Variants in ARHGAP23 observed in about 807,000 individuals in gnomAD.
ARHGAP23 encodes the protein rho GTPase-activating protein 23.
A neutral mutation model predicts 136.3 loss-of-function variants in ARHGAP23; 34 were observed. The observed-to-expected ratio is 0.25, with a 90% CI of 0.19 to 0.33. The LOEUF is 0.33. Among genes scored for constraint, ARHGAP23 ranks in the 10% least tolerant of loss-of-function variants. ARHGAP23 has a pLI of 1.00. For synonymous variants in ARHGAP23, 832 were observed against 920.5 expected (o/e 0.90, Z 1.74); for missense variants, 1,808 against 2,139.0 (o/e 0.85, Z 3.05).
At chr17:38,454,293 A>C (rs2039271448) in intron 1 of ARHGAP23, among the ~76,000 whole-genome samples, 1 of 151,918 alleles carries the variant, frequency 6.6e-6, no homozygotes, top group South Asian at 2.1e-4. Flanking sequence ...GGCACTTGAG[A>C]GATGGGGCTG....
chr17:38,467,052 T>C lies in ARHGAP23; in HGVS notation c.1369T>C (p.Ser457Pro). 1 of 1,550,922 alleles carries C rather than the reference T, an allele frequency of 6.4e-7. No homozygotes were observed. Among genetic ancestry groups the C allele is most frequent in the Non-Finnish European group, 8.7e-7 (1 of 1,146,954 alleles). ...CTTCAACCTGGCCCAGTCCCCTGCG[T>C]CATTCCCACCAGAGGCCTCCGAGCC... is the stretch of plus-strand genomic sequence containing the variant. ...PTFNLAQSPASFPPEASEPPR... is the reference protein window; with the variant it reads ...PTFNLAQSPAPFPPEASEPPR... The change falls in exon 7 of 24, where the codon TCA becomes CCA. Residue 457 changes from serine (S) to proline (P), a missense_variant. By Grantham distance (74) the Ser-to-Pro change is moderately conservative. Around this residue, in one of 7 missense-constraint regions of ARHGAP23, gnomAD observed 859 missense variants for 936.4 expected, o/e 0.92. Transcript: ENST00000622683.
chr17:38,439,131 C>T (rs1262185066), intron 1 of ARHGAP23, among the ~76,000 whole-genome samples: 2 of 150,560 alleles, frequency 1.3e-5, no homozygotes, highest in African/African-American at 4.9e-5. Flanking sequence ...GAGCCGAGAT[C>T]GCACCATAGC....
chr17:38,473,964 A>G (rs990142514), intron 11 of ARHGAP23, among the ~76,000 whole-genome samples: 3 of 152,086 alleles, frequency 2.0e-5, no homozygotes, highest in Non-Finnish European at 4.4e-5. Context: ...TCTGTTGCCC[A>G]GGCTGGAGTA....
chr17:38,463,529 GGTT>G (rs2039511062), intron 6 of ARHGAP23, 147 bp downstream of exon 6: 2 of 992,226 alleles, frequency 2.0e-6, no homozygotes, highest in African/African-American at 1.6e-5. Context: ...GGCTGGGGCT[GGTT>G]GTTGCTTCAT....
At chr17:38,474,966 C>T (rs1238722652) in intron 11 of ARHGAP23, among the ~76,000 whole-genome samples, 1 of 152,180 alleles carries the variant, frequency 6.6e-6, no homozygotes, top group East Asian at 1.9e-4. Context: ...GCCTGACCCT[C>T]AGCTCCTGGG....
chr17:38,444,644 C>T (rs576206297), intron 1 of ARHGAP23, among the ~76,000 whole-genome samples: 2 of 152,106 alleles, frequency 1.3e-5, no homozygotes, highest in East Asian at 3.9e-4. Flanking sequence ...TCCCCCTGTG[C>T]GGGGACCTCT....
chr17:38,437,624 C>T (rs1041128393), intron 1 of ARHGAP23, among the ~76,000 whole-genome samples: 1 of 71,586 alleles, frequency 1.4e-5, no homozygotes, highest in Admixed American at 1.3e-4. Flanking sequence ...CCACCCCTAC[C>T]CCCCCCAAAA....
At chr17:38,449,683 C>T (rs556007393) in intron 1 of ARHGAP23, among the ~76,000 whole-genome samples, 4 of 152,116 alleles carry the variant, frequency 2.6e-5, no homozygotes, top group Admixed American at 1.3e-4. Flanking sequence ...TGTCTGTGTG[C>T]GAGGTTGTGG....
At position 38,490,350 on chromosome 17, in the gene ARHGAP23, G is replaced by A; in HGVS notation, c.3061-112G>A. The A allele has an allele frequency of 2.7e-6, 3 of 1,123,290 alleles. No individual in the cohort carries two copies. The South Asian group carries it at 4.0e-5, about 15-fold the overall frequency. 69.6% of individuals were successfully genotyped at this position (1,123,290 alleles called of 1,614,324 possible). Reference sequence around the variant, plus strand: ...AAGAGAACGGGGGGTTAGAGGATAGGTTCCAGACTCCCTGAGGCATGGTAG... The same window carrying A: ...AAGAGAACGGGGGGTTAGAGGATAGATTCCAGACTCCCTGAGGCATGGTAG... On this transcript the variant is annotated intron_variant, in intron 18 of 23. Transcript: ENST00000622683.
intron 6 of ARHGAP23, among the ~76,000 whole-genome samples, chr17:38,465,272 C>G (rs2039561841): frequency 7.0e-6 from 1 of 143,848 alleles, no homozygotes. Flanking sequence ...ATGTTTGTGC[C>G]TGGGACTGGA....
intron 1 of ARHGAP23, among the ~76,000 whole-genome samples, chr17:38,448,765 C>A (rs2144559300): frequency 6.8e-6 from 1 of 148,116 alleles, no homozygotes; most frequent in East Asian, 1.9e-4. Flanking sequence ...CCCACCTTAG[C>A]CTCCTGAATA....
At chr17:38,453,422 C>CGT (rs1161809844) in intron 1 of ARHGAP23, among the ~76,000 whole-genome samples, 9,176 of 116,208 alleles carry the variant, frequency 0.079, 321 homozygotes, top group African/African-American at 0.087. Context: ...CGTATGCGTG[C>CGT]GTGTGTGTGT....
chr17:38,503,329 G>T (rs994694821), intron 23 of ARHGAP23, among the ~76,000 whole-genome samples: 1 of 152,212 alleles, frequency 6.6e-6, no homozygotes, highest in African/African-American at 2.4e-5. Flanking sequence ...TCTGCTGGGC[G>T]TGAAGGTGGC....
At chr17:38,443,437 G>A (rs983435010) in intron 1 of ARHGAP23, among the ~76,000 whole-genome samples, 3 of 152,218 alleles carry the variant, frequency 2.0e-5, no homozygotes, top group African/African-American at 7.2e-5. Flanking sequence ...ACTGGCAGGG[G>A]GAGGCGGGAG....
In ARHGAP23 at chr17:38,438,433, T is replaced by C. The variant is rs576942219; in HGVS notation, c.63+9885T>C. The stretch of plus-strand genomic sequence containing the variant: ...AAGCATTAGCACAGGCAAGGAGGCA[T>C]GAACCAGCTTGGCCTCTTAAGGGAT... On this transcript the variant is annotated intron_variant, in intron 1 of 23. Coordinates refer to ENST00000622683, the MANE Select transcript of ARHGAP23 (RefSeq NM_001199417.2). Among the ~76,000 whole-genome samples the C allele has an allele frequency of 9.2e-5, 14 of 151,674 alleles. No homozygotes were observed. The South Asian group carries it at 2.7e-3, about 29-fold the overall frequency.
In ARHGAP23 at chr17:38,510,051, G is replaced by A; in HGVS notation, c.3555G>A (p.Leu1185=). 8.0e-7 allele frequency: 1 copy of A among 1,243,324 alleles called. No homozygotes were observed. The highest frequency in any genetic ancestry group is 1.0e-6 in the Non-Finnish European group (1 of 994,708). The allele number at this position is 1,243,324 out of a possible 1,614,324, so 77.0% of individuals were successfully genotyped here. A position where few individuals can be genotyped will look rare whatever the true frequency, so the allele number is the denominator to read the frequency against. The change falls in exon 24 of 24, where the codon CTG becomes CTA. Residue 1185 remains leucine (L), a synonymous_variant. Coordinates refer to ENST00000622683, the MANE Select transcript of ARHGAP23 (RefSeq NM_001199417.2). This position sits in a 1 kb window ranked among gnomAD's most constrained non-coding sequence, Gnocchi z 4.6. ...AGAAGCGGCGGGAGGCGCGGGGGCT[G>A]GGCAGCAGCACCGACGACGACTCGG... ...KRKKRREARG[L]GSSTDDDSEQ...
At chr17:38,449,341 C>T (rs961847970) in intron 1 of ARHGAP23, among the ~76,000 whole-genome samples, 4 of 152,208 alleles carry the variant, frequency 2.6e-5, no homozygotes, top group Non-Finnish European at 4.4e-5. Flanking sequence ...ATCCCCTACC[C>T]GTGGGCCAGA....
chr17:38,427,298 C>T (rs75478644), upstream of ARHGAP23, among the ~76,000 whole-genome samples: 1 of 152,132 alleles, frequency 6.6e-6, no homozygotes, highest in South Asian at 2.1e-4. Context: ...AACCTCATCT[C>T]TACCAAAGTA....
intron 13 of ARHGAP23, 48 bp downstream of exon 13, chr17:38,479,545 G>A: frequency 2.0e-6 from 3 of 1,533,208 alleles, no homozygotes; most frequent in Non-Finnish European, 2.6e-6. Flanking sequence ...GGGTGGTAGG[G>A]GGCTGAAGGC....
Sources: allele counts gnomAD v4.1 joint callset (sites outside exome capture counted in the v4.1 genomes callset), GRCh38; gene constraint gnomAD v4.1.1; regional missense constraint gnomAD v4.1.1; non-coding constraint Gnocchi (gnomAD v3.1); transcripts MANE v1.5; gene names NCBI Gene and HGNC (gene_info 2026-07-23, HGNC 2026-07-21).